SEMA5B: variants seen among roughly 807,000 people sequenced by gnomAD.
SEMA5B encodes the protein semaphorin-5B.
In SEMA5B, 66 loss-of-function variants were observed where a neutral mutation model predicts 135.0. The observed-to-expected ratio is 0.49, with a 90% CI of 0.40 to 0.60. The LOEUF (loss-of-function observed/expected upper bound fraction) is 0.60. SEMA5B is among the 20% of genes least tolerant of loss of function. The probability of loss-of-function intolerance (pLI) is 0.00; values close to 1 mark genes in which losing one functional copy is unlikely to be tolerated. For missense variants in SEMA5B, 1,501 were observed against 1,566.3 expected (o/e 0.96, Z 0.70); for synonymous variants, 690 against 639.5 (o/e 1.08, Z -1.19).
At chr3:122,912,805 G>C in intron 18 of SEMA5B, 38 bp downstream of exon 18, 2 of 1,507,906 alleles carry the variant, frequency 1.3e-6, no homozygotes, top group Non-Finnish European at 1.8e-6. Context: ...GGATGACAGG[G>C]TTTCGCTAGG....
At chr3:123,024,857 G>A (rs1402315777) in intron 1 of SEMA5B, among the ~76,000 whole-genome samples, 3 of 152,150 alleles carry the variant, frequency 2.0e-5, no homozygotes, top group Admixed American at 2.0e-4. Context: ...CATTTCACTT[G>A]GCCAGTTTGG....
At chr3:123,016,043 T>C (rs1942547108) in intron 1 of SEMA5B, among the ~76,000 whole-genome samples, 1 of 152,166 alleles carries the variant, frequency 6.6e-6, no homozygotes, top group Non-Finnish European at 1.5e-5. Context: ...AAGAACCTGC[T>C]CATGCTCACA....
At chr3:122,913,118 G>A in intron 17 of SEMA5B, 57 bp from the exon 18 acceptor site, 1 of 1,421,008 alleles carries the variant, frequency 7.0e-7, no homozygotes, top group Non-Finnish European at 9.1e-7. Flanking sequence ...CCCCGGCCTG[G>A]GCCTCCCCGG....
intron 15 of SEMA5B, 53 bp from the exon 16 acceptor site, chr3:122,913,734 G>T (rs945241608): frequency 1.9e-6 from 3 of 1,599,488 alleles, no homozygotes; most frequent in Admixed American, 1.7e-5. Flanking sequence ...CTTCCCTGAC[G>T]AGAGGTCCCT....
chr3:122,946,718 G>T lies in SEMA5B; in HGVS notation c.328+1788C>A, dbSNP rs569935940. On this transcript the variant is annotated intron_variant, in intron 3 of 22. Coordinates refer to ENST00000357599, the MANE Select transcript of SEMA5B (RefSeq NM_001031702.4). ...CATTAGGTACGCAGAGGAAACTCTT[G>T]TTCACCTCTGAGGCCCCACAGCATC... 2.6e-5 allele frequency among the ~76,000 whole-genome samples: 4 copies of T among 152,230 alleles called. No individual in the cohort carries two copies. The East Asian group carries it at 7.7e-4, about 29-fold the overall frequency.
intron 8 of SEMA5B, among the ~76,000 whole-genome samples, chr3:122,926,947 C>T (rs1427766086): frequency 6.6e-6 from 1 of 152,242 alleles, no homozygotes; most frequent in East Asian, 1.9e-4. Flanking sequence ...AGTCCTTCAA[C>T]ATATGAGGTA....
rs572694282 is a variant in SEMA5B at position 122,999,541 on chromosome 3, T to TA, written c.-39+27922_-39+27923insT. 2.1e-3 allele frequency among the ~76,000 whole-genome samples: 317 copies of TA among 152,180 alleles called. 1 individual carries two copies. The highest frequency in any genetic ancestry group is 7.2e-3 in the African/African-American group (298 of 41,518). On this transcript the variant is annotated intron_variant, in intron 1 of 22. Transcript: ENST00000357599. ...TGCCCGGCCTTAAGTAGATTTTTTT[T>TA]TTTTTAAACCCACCAAAGATAACGA...
At chr3:122,983,490 A>G in intron 1 of SEMA5B, among the ~76,000 whole-genome samples, 1 of 151,944 alleles carries the variant, frequency 6.6e-6, no homozygotes, top group East Asian at 1.9e-4. Context: ...CTATAAAGAC[A>G]CACGAGAAAG....
intron 1 of SEMA5B, among the ~76,000 whole-genome samples, chr3:123,005,705 G>A (rs1942293349): frequency 6.6e-6 from 1 of 152,196 alleles, no homozygotes; most frequent in African/African-American, 2.4e-5. Flanking sequence ...AGGGATGAAA[G>A]AGTGGTTGGC....
chr3:122,912,882 C>T lies in SEMA5B; in HGVS notation c.2686G>A (p.Ala896Thr). 1 of 1,606,700 alleles carries T rather than the reference C, an allele frequency of 6.2e-7. No homozygotes were observed. ...GGGTTGCAGTCCTGGTACTCGGCAG[C>T]ATCGCCCACGCAGGGCAGGCCCCCG... is the stretch of plus-strand genomic sequence containing the variant. ...RNGGLPCVGD[A>T]AEYQDCNPQA... Residue 896 changes from alanine to threonine, a missense_variant, in exon 18 of 23, where the codon GCT becomes ACT. Ala to Thr is a moderately conservative substitution (Grantham distance 58). This residue lies in a region of SEMA5B where 927 missense variants were observed against 881.6 expected (regional missense o/e 1.05). Coordinates refer to ENST00000357599, the MANE Select transcript of SEMA5B (RefSeq NM_001031702.4).
Position 122,911,318 on chromosome 3 carries a change from T to TG in SEMA5B, c.3091+172dup, listed in dbSNP as rs772613731. Reference sequence around the variant, plus strand: ...TACAGACTGATGATGGCCTCCTAGCTGGGGGGGGCATGGAGGGAACTGCCC... The same window carrying TG: ...TACAGACTGATGATGGCCTCCTAGCTGGGGGGGGGCATGGAGGGAACTGCCC... On this transcript the variant is annotated intron_variant, in intron 21 of 22. Transcript: ENST00000357599. 1,293 of 1,498,148 alleles carry TG rather than the reference T, an allele frequency of 8.6e-4. 1 individual carries two copies. The highest frequency in any genetic ancestry group is 1.1e-3 in the African/African-American group (79 of 72,072). 92.8% of individuals were successfully genotyped at this position (1,498,148 alleles called of 1,614,324 possible).
At chr3:123,000,199 C>T (rs58535028) in intron 1 of SEMA5B, among the ~76,000 whole-genome samples, 6,669 of 152,224 alleles carry the variant, frequency 0.044, 213 homozygotes, top group African/African-American at 0.091. Context: ...CAGAGTAAGA[C>T]TCTGTCTCAA....
intron 1 of SEMA5B, among the ~76,000 whole-genome samples, chr3:123,024,728 G>T (rs1406521324): frequency 2.0e-5 from 3 of 152,188 alleles, no homozygotes; most frequent in African/African-American, 7.2e-5. Context: ...AAGGTACAGG[G>T]AGACAAGATA....
chr3:122,971,702 G>A (rs1003029757), intron 1 of SEMA5B, among the ~76,000 whole-genome samples: 2 of 152,264 alleles, frequency 1.3e-5, no homozygotes, highest in African/African-American at 4.8e-5. Flanking sequence ...GGGTGCTGGT[G>A]GGCCTCTGCC....
intron 1 of SEMA5B, among the ~76,000 whole-genome samples, chr3:123,014,081 A>G (rs1004298153): frequency 2.0e-5 from 3 of 152,234 alleles, no homozygotes; most frequent in African/African-American, 7.2e-5. Flanking sequence ...GGAACAGGGA[A>G]CATGCAAATG....
At chr3:122,911,735 C>T (rs575507660) in intron 20 of SEMA5B, among the ~76,000 whole-genome samples, 185 bp downstream of exon 20, 1 of 152,334 alleles carries the variant, frequency 6.6e-6, no homozygotes, top group Non-Finnish European at 1.5e-5. Flanking sequence ...ATGAGGAGGG[C>T]CCAAACCCCA....
In SEMA5B at chr3:123,018,324, G is replaced by A. The variant is rs35599996; in HGVS notation, c.-39+9140C>T. Among the ~76,000 whole-genome samples, 49 of 152,330 alleles carry A rather than the reference G, an allele frequency of 3.2e-4. No homozygotes were observed. The East Asian group carries it at 3.9e-3, about 12-fold the overall frequency. On this transcript the variant is annotated intron_variant, in intron 1 of 22. Transcript: ENST00000357599. Reference sequence around the variant, plus strand: ...CACTCTGGGCTCTTCTGGTTCTCCCGAGCTGAAGAGTATGTTTTTCCATAG... The same window carrying A: ...CACTCTGGGCTCTTCTGGTTCTCCCAAGCTGAAGAGTATGTTTTTCCATAG...
chr3:122,909,996 T>G lies in SEMA5B; in HGVS notation c.*147A>C, dbSNP rs1400120136. 3 of 814,138 alleles carry G rather than the reference T, an allele frequency of 3.7e-6. No individual in the cohort carries two copies. The highest frequency in any genetic ancestry group is 3.5e-5 in the African/African-American group (2 of 57,614). The allele number at this position is 814,138 out of a possible 1,614,324, so 50.4% of individuals were successfully genotyped here. On this transcript the variant is annotated 3_prime_UTR_variant, in exon 23 of 23. Coordinates refer to ENST00000357599, the MANE Select transcript of SEMA5B (RefSeq NM_001031702.4). ...CCATGGTCAATGCCAGCCAGAGCTC[T>G]CTGAAGCCGGATGGGACCCCCCACA...
Position 123,026,463 on chromosome 3 carries a change from G to A in SEMA5B, c.-39+1001C>T, listed in dbSNP as rs866109566. On this transcript the variant is annotated intron_variant, in intron 1 of 22. Coordinates refer to ENST00000357599, the MANE Select transcript of SEMA5B (RefSeq NM_001031702.4). ...GCTCGAGGTGGGGGGCGGGGGCGGG[G>A]AGGAGGGGGCCAGAACGGCGCTGCA... Among the ~76,000 whole-genome samples, 312 of 149,342 alleles carry A rather than the reference G, an allele frequency of 2.1e-3. 1 individual carries two copies. The highest frequency in any genetic ancestry group is 7.1e-3 in the African/African-American group (292 of 41,122).
Sources: allele counts gnomAD v4.1 joint callset (sites outside exome capture counted in the v4.1 genomes callset), GRCh38; gene constraint gnomAD v4.1.1; regional missense constraint gnomAD v4.1.1; transcripts MANE v1.5; gene names NCBI Gene and HGNC (gene_info 2026-07-23, HGNC 2026-07-21).